The following DOCK4 variants were observed in gnomAD, a reference collection of about 807,000 sequenced individuals.
DOCK4 encodes the protein dedicator of cytokinesis 4, also known as dedicator of cytokinesis protein 4.
DOCK4 carries 97 observed loss-of-function variants against 268.1 expected under a neutral mutation model. The observed-to-expected ratio is 0.36, with a 90% CI of 0.31 to 0.43. The LOEUF is 0.43. DOCK4 is among the 20% of genes least tolerant of loss of function. DOCK4 has a pLI of 1.00. For synonymous variants in DOCK4, 954 were observed against 887.2 expected (o/e 1.08, Z -1.34); for missense variants, 2,145 against 2,455.7 (o/e 0.87, Z 2.67).
chr7:112,162,481 G>A (rs1817214408), intron 1 of DOCK4, among the ~76,000 whole-genome samples: 1 of 150,344 alleles, frequency 6.7e-6, no homozygotes, highest in South Asian at 2.1e-4. Context: ...TAGATGTTGG[G>A]AGGAAGAGAG....
chr7:112,128,603 C>CTG (rs1813490542), intron 1 of DOCK4, among the ~76,000 whole-genome samples: 1 of 152,252 alleles, frequency 6.6e-6, no homozygotes, highest in Admixed American at 6.5e-5. Context: ...ATCCTGTTAT[C>CTG]TGTGACCTTA....
At chr7:111,987,379 A>G (rs1799131517) in intron 6 of DOCK4, among the ~76,000 whole-genome samples, 1 of 152,192 alleles carries the variant, frequency 6.6e-6, no homozygotes, top group African/African-American at 2.4e-5. Context: ...ATTTTGGATA[A>G]GCTAACTTCC....
chr7:112,188,423 G>A (rs1819645421), intron 1 of DOCK4, among the ~76,000 whole-genome samples: 1 of 152,244 alleles, frequency 6.6e-6, no homozygotes, highest in Non-Finnish European at 1.5e-5. Context: ...AGTTCATACA[G>A]TTGTGAAAGA....
At chr7:112,142,699 T>C (rs962738588) in intron 1 of DOCK4, among the ~76,000 whole-genome samples, 1 of 152,152 alleles carries the variant, frequency 6.6e-6, no homozygotes, top group East Asian at 1.9e-4. Flanking sequence ...ACTACAGAAC[T>C]AAACAGGATC....
At chr7:111,986,631 A>C (rs1179469687) in intron 6 of DOCK4, among the ~76,000 whole-genome samples, 1 of 152,174 alleles carries the variant, frequency 6.6e-6, no homozygotes, top group Non-Finnish European at 1.5e-5. Context: ...CACCAAGAAG[A>C]AAGGATTAAC....
rs1798997545 is a variant in DOCK4 at position 111,784,210 on chromosome 7, A to G, written c.3402-87T>C. 4 of 1,392,400 alleles carry G rather than the reference A, an allele frequency of 2.9e-6. No homozygotes were observed. In the Admixed American group the frequency reaches 7.9e-5, roughly 27 times the overall value. The allele number at this position is 1,392,400 out of a possible 1,614,324, so 86.3% of individuals were successfully genotyped here. ...AACACATGCATATAATCATATTTTCAAAATATACAAGCATCTCACAGCTCA... is the reference window on the plus strand; with the variant it reads ...AACACATGCATATAATCATATTTTCGAAATATACAAGCATCTCACAGCTCA... On this transcript the variant is annotated intron_variant, in intron 32 of 52. Coordinates refer to ENST00000428084, the MANE Select transcript of DOCK4 (RefSeq NM_001363540.2).
intron 1 of DOCK4, among the ~76,000 whole-genome samples, chr7:112,182,430 G>A (rs1055440230): frequency 2.6e-5 from 4 of 152,122 alleles, no homozygotes; most frequent in Admixed American, 6.5e-5. Context: ...ACACACCAAC[G>A]GAATAGGAAA....
chr7:112,108,971 T>C (rs1586838552), intron 1 of DOCK4, among the ~76,000 whole-genome samples: 2 of 152,190 alleles, frequency 1.3e-5, no homozygotes, highest in South Asian at 4.1e-4. Context: ...CAGTTTTTTT[T>C]TTACTGGGGG....
chr7:112,113,081 C>T (rs1811813467), intron 1 of DOCK4, among the ~76,000 whole-genome samples: 1 of 151,988 alleles, frequency 6.6e-6, no homozygotes. Flanking sequence ...AACGAGCATG[C>T]AAATAAAGAA....
chr7:112,015,221 A>T (rs533830502), intron 1 of DOCK4, among the ~76,000 whole-genome samples: 149 of 152,332 alleles, frequency 9.8e-4, no homozygotes, highest in Non-Finnish European at 1.5e-3. Flanking sequence ...ATGCATTAGC[A>T]TGCTAAAACA....
intron 17 of DOCK4, among the ~76,000 whole-genome samples, chr7:111,873,417 G>T (rs1249202960): frequency 6.6e-6 from 1 of 152,214 alleles, no homozygotes; most frequent in Non-Finnish European, 1.5e-5. Flanking sequence ...AGAACTGAAG[G>T]CTCGCGTGTG....
At chr7:111,997,253 T>C (rs1800042387) in intron 4 of DOCK4, among the ~76,000 whole-genome samples, 1 of 152,236 alleles carries the variant, frequency 6.6e-6, no homozygotes, top group Non-Finnish European at 1.5e-5. Context: ...TGGTGGATTA[T>C]AGCTGCACAC....
At chr7:111,826,627 T>C (rs942341412) in intron 26 of DOCK4, among the ~76,000 whole-genome samples, 8 of 151,994 alleles carry the variant, frequency 5.3e-5, no homozygotes, top group African/African-American at 1.5e-4. Context: ...TGAATTAACA[T>C]GGAAACAGAA....
chr7:111,860,961 T>C (rs547414231), intron 23 of DOCK4, among the ~76,000 whole-genome samples: 162 of 152,350 alleles, frequency 1.1e-3, no homozygotes, highest in South Asian at 3.7e-3. Flanking sequence ...TTGATGACTG[T>C]CTTGCTCTTT....
At position 111,868,046 on chromosome 7, in the gene DOCK4, T is replaced by C; in HGVS notation, c.2218A>G (p.Met740Val). ...EFRCCIQELL[M>V]SVRFFLSQES... ...TGCGAAAGAAAGAAACGGACTGACA[T>C]GAGAAGCTCCTGAATGCAGCAGCGG... Residue 740 changes from methionine to valine, a missense_variant, in exon 22 of 53, where the codon ATG becomes GTG. Physicochemically the swap from Met to Val is conservative, Grantham distance 21. Around this residue, in one of 2 missense-constraint regions of DOCK4, gnomAD observed 1,598 missense variants for 1,986.7 expected, o/e 0.80. Coordinates refer to ENST00000428084, the MANE Select transcript of DOCK4 (RefSeq NM_001363540.2). 6.2e-7 allele frequency: 1 copy of C among 1,613,542 alleles called. No homozygotes were observed. Among genetic ancestry groups the C allele is most frequent in the Non-Finnish European group, 8.5e-7 (1 of 1,179,658 alleles).
intron 7 of DOCK4, among the ~76,000 whole-genome samples, chr7:111,980,581 G>A (rs1178336503): frequency 6.6e-6 from 1 of 152,196 alleles, no homozygotes; most frequent in Non-Finnish European, 1.5e-5. Flanking sequence ...CAACCTCAAT[G>A]CTATTGACAA....
At chr7:111,732,113 G>T (rs566945128) in intron 52 of DOCK4, 113 bp downstream of exon 52, 99 of 1,085,142 alleles carry the variant, frequency 9.1e-5, no homozygotes, top group Admixed American at 1.7e-4. Context: ...TGATTGATAA[G>T]TTCTTTGCCT....
At chr7:111,828,454 AT>A (rs992741300) in intron 26 of DOCK4, among the ~76,000 whole-genome samples, 1 of 152,214 alleles carries the variant, frequency 6.6e-6, no homozygotes, top group Non-Finnish European at 1.5e-5. Context: ...TTTAAAATTC[AT>A]TTTGATTTAT....
In DOCK4 at chr7:111,782,903, C is replaced by G. The variant is rs774414869; in HGVS notation, c.3546G>C (p.Glu1182Asp). ...LDYRDCMKMG[E>D]VDGKKIGCTV... ...TGCAGCCAATCTTTTTGCCATCTACCTCTCCCATTTTCATGCAGTCCCTAA... is the reference window on the plus strand; with the variant it reads ...TGCAGCCAATCTTTTTGCCATCTACGTCTCCCATTTTCATGCAGTCCCTAA... The change falls in exon 35 of 53, where the codon GAG (glutamate) becomes GAC (aspartate). Residue 1182 changes from glutamate to aspartate, a missense_variant. Around this residue, in one of 2 missense-constraint regions of DOCK4, gnomAD observed 1,598 missense variants for 1,986.7 expected, o/e 0.80. Transcript: ENST00000428084. The G allele has an allele frequency of 5.0e-6, 8 of 1,613,252 alleles. No individual in the cohort carries two copies. Among genetic ancestry groups the G allele is most frequent in the Non-Finnish European group, 5.9e-6 (7 of 1,179,700 alleles).
Sources: allele counts gnomAD v4.1 joint callset (sites outside exome capture counted in the v4.1 genomes callset), GRCh38; gene constraint gnomAD v4.1.1; regional missense constraint gnomAD v4.1.1; transcripts MANE v1.5; gene names NCBI Gene and HGNC (gene_info 2026-07-23, HGNC 2026-07-21).